The following CDH12 variants were observed in gnomAD, a reference collection of about 807,000 sequenced individuals.
CDH12 encodes cadherin 12.
In CDH12, 41 loss-of-function variants were observed where a neutral mutation model predicts 74.1. The observed-to-expected ratio is 0.55, with a 90% CI of 0.43 to 0.72. The LOEUF is 0.72. Ranked by LOEUF, CDH12 falls within the 30% of genes least tolerant of loss-of-function variation. The probability of loss-of-function intolerance (pLI) is 0.00; values close to 1 mark genes in which losing one functional copy is unlikely to be tolerated. For synonymous variants in CDH12, 399 were observed against 355.0 expected (o/e 1.12, Z -1.39); for missense variants, 945 against 977.2 (o/e 0.97, Z 0.44).
At chr5:22,020,786 A>G (rs974975307) in intron 5 of CDH12, among the ~76,000 whole-genome samples, 4 of 152,134 alleles carry the variant, frequency 2.6e-5, no homozygotes, top group Admixed American at 6.5e-5. Flanking sequence ...ATTACCACCT[A>G]AAGACCTTAT....
At chr5:21,964,382 C>A (rs1756492270) in intron 6 of CDH12, among the ~76,000 whole-genome samples, 1 of 151,994 alleles carries the variant, frequency 6.6e-6, no homozygotes, top group Non-Finnish European at 1.5e-5. Flanking sequence ...ACTTCCCCAT[C>A]CTTCTTAAAA....
chr5:22,085,667 T>C (rs1007919808), intron 4 of CDH12, among the ~76,000 whole-genome samples: 26 of 152,084 alleles, frequency 1.7e-4, no homozygotes, highest in Admixed American at 4.6e-4. Flanking sequence ...CATTGAACAA[T>C]ATAAGGGAAG....
intron 1 of CDH12, among the ~76,000 whole-genome samples, chr5:22,783,672 A>G (rs963507521): frequency 6.6e-6 from 1 of 152,158 alleles, no homozygotes; most frequent in African/African-American, 2.4e-5. Flanking sequence ...TATTTAAACA[A>G]ATGTGCCCAA....
Position 22,327,426 on chromosome 5 carries a change from CTCTGTGTGTGTGTG to C in CDH12, c.-333+77817_-333+77830del, listed in dbSNP as rs1297857555. Among the ~76,000 whole-genome samples, 1,239 of 128,286 alleles carry C rather than the reference CTCTGTGTGTGTGTG, an allele frequency of 9.7e-3. 6 individuals carry two copies. Among genetic ancestry groups the C allele is most frequent in the Non-Finnish European group, 0.012 (753 of 61,150 alleles). The allele number at this position is 128,286 out of a possible 152,430, so 84.2% of individuals were successfully genotyped here. On this transcript the variant is annotated intron_variant, in intron 3 of 14. Coordinates refer to ENST00000382254, the MANE Select transcript of CDH12 (RefSeq NM_004061.5). ...ACTGACCGGGAGATAAAATTTGTGCCTCTGTGTGTGTGTGTGTGTGTGTGTGTGTGTGTGTGTGT... is the reference window on the plus strand; with the variant it reads ...ACTGACCGGGAGATAAAATTTGTGCCTGTGTGTGTGTGTGTGTGTGTGTGT...
chr5:22,659,108 T>C (rs1036417949), intron 1 of CDH12, among the ~76,000 whole-genome samples: 6 of 152,168 alleles, frequency 3.9e-5, no homozygotes, highest in African/African-American at 1.2e-4. Context: ...AAGATCTAAA[T>C]CTGTTGAATT....
At chr5:22,632,230 C>G (rs1738620755) in intron 1 of CDH12, among the ~76,000 whole-genome samples, 1 of 152,112 alleles carries the variant, frequency 6.6e-6, no homozygotes, top group African/African-American at 2.4e-5. Context: ...ATGCCAGAAG[C>G]AGATGCCAGA....
chr5:22,401,858 T>C (rs1336774517), intron 3 of CDH12, among the ~76,000 whole-genome samples: 2 of 151,916 alleles, frequency 1.3e-5, no homozygotes, highest in African/African-American at 2.4e-5. Context: ...GGGAAGGCCA[T>C]GTGGAGAAGG....
chr5:22,438,979 G>T (rs1307694518), intron 2 of CDH12, among the ~76,000 whole-genome samples: 3 of 152,000 alleles, frequency 2.0e-5, no homozygotes, highest in Non-Finnish European at 2.9e-5. Flanking sequence ...GACAGACAGT[G>T]AGAAATTAGC....
chr5:21,894,382 GAAAAAAAAAAAA>G (rs376989106), intron 6 of CDH12, among the ~76,000 whole-genome samples: 1 of 73,440 alleles, frequency 1.4e-5, no homozygotes, highest in Non-Finnish European at 2.9e-5. Flanking sequence ...CCGTCTCAAA[GAAAAAAAAAAAA>G]AAAAAAAAAA....
At chr5:21,925,770 T>C (rs1162287538) in intron 6 of CDH12, among the ~76,000 whole-genome samples, 1 of 152,160 alleles carries the variant, frequency 6.6e-6, no homozygotes, top group Non-Finnish European at 1.5e-5. Flanking sequence ...TGTTCCTTAA[T>C]AGAATGTTTA....
intron 1 of CDH12, among the ~76,000 whole-genome samples, chr5:22,624,987 AG>A (rs1399228452): frequency 1.3e-5 from 2 of 152,196 alleles, no homozygotes; most frequent in Admixed American, 6.5e-5. Flanking sequence ...GCCATAAAAA[AG>A]GGTGAGTTCA....
At chr5:21,953,732 G>A (rs377499343) in intron 6 of CDH12, among the ~76,000 whole-genome samples, 165 of 152,238 alleles carry the variant, frequency 1.1e-3, no homozygotes, top group African/African-American at 3.7e-3. Flanking sequence ...CTCCACTACA[G>A]TGTGATAATG....
intron 1 of CDH12, among the ~76,000 whole-genome samples, chr5:22,772,121 G>T (rs1476770250): frequency 1.3e-5 from 2 of 152,030 alleles, no homozygotes. Context: ...GTAATATGGT[G>T]TGGTAGGGTT....
chr5:22,219,605 T>C (rs1488927464), intron 3 of CDH12, among the ~76,000 whole-genome samples: 1 of 151,776 alleles, frequency 6.6e-6, no homozygotes, highest in East Asian at 1.9e-4. Context: ...AGACTGTTGG[T>C]GAGCAGTCTG....
chr5:22,260,574 A>C (rs2150393400), intron 3 of CDH12, among the ~76,000 whole-genome samples: 1 of 152,102 alleles, frequency 6.6e-6, no homozygotes, highest in South Asian at 2.1e-4. Flanking sequence ...AAGATACCTA[A>C]ATTTTCCTCG....
chr5:22,167,445 G>A (rs185478001), intron 4 of CDH12, among the ~76,000 whole-genome samples: 124 of 152,206 alleles, frequency 8.1e-4, no homozygotes, highest in Middle Eastern at 6.8e-3. Flanking sequence ...GGTGTCCTTC[G>A]CTTGTTCCTA....
intron 1 of CDH12, among the ~76,000 whole-genome samples, chr5:22,508,487 A>G (rs1382459126): frequency 1.3e-5 from 2 of 152,142 alleles, no homozygotes; most frequent in Admixed American, 6.5e-5. Context: ...TTCTATTAAC[A>G]TAGGTAGATC....
At chr5:22,769,207 G>C (rs1746682567) in intron 1 of CDH12, among the ~76,000 whole-genome samples, 1 of 152,132 alleles carries the variant, frequency 6.6e-6, no homozygotes, top group Non-Finnish European at 1.5e-5. Context: ...ATTTGAGTCA[G>C]TGGACTGGGA....
chr5:22,336,611 A>G (rs994850617), intron 3 of CDH12, among the ~76,000 whole-genome samples: 7 of 152,334 alleles, frequency 4.6e-5, no homozygotes, highest in African/African-American at 1.7e-4. Flanking sequence ...GCAAGCCACA[A>G]GCCTTAGCAG....
Sources: allele counts gnomAD v4.1 joint callset (sites outside exome capture counted in the v4.1 genomes callset), GRCh38; gene constraint gnomAD v4.1.1; transcripts MANE v1.5; gene names NCBI Gene and HGNC (gene_info 2026-07-23, HGNC 2026-07-21).